The following FRMD6 variants were observed in gnomAD, a reference collection of about 807,000 sequenced individuals.
The protein encoded by FRMD6 is FERM domain containing 6.
In FRMD6, 37 loss-of-function variants were observed where a neutral mutation model predicts 73.2. The observed-to-expected ratio is 0.51, with a 90% CI of 0.39 to 0.66. The LOEUF is 0.66. Among genes scored for constraint, FRMD6 ranks in the 30% least tolerant of loss-of-function variants. The pLI, the probability that FRMD6 is intolerant of heterozygous loss-of-function variation, is 0.00. For synonymous variants in FRMD6, 273 were observed against 282.2 expected, an observed-to-expected ratio of 0.97 and a Z score of 0.33; for missense variants, 714 against 780.5, an observed-to-expected ratio of 0.91 and a Z score of 1.02.
At chr14:51,670,887 T>G in intron 1 of FRMD6, among the ~76,000 whole-genome samples, 1 of 152,228 alleles carries the variant, frequency 6.6e-6, no homozygotes, top group East Asian at 1.9e-4. Flanking sequence ...CCTCAGGTGA[T>G]CCACCTGCCT....
chr14:51,491,980 C>A (rs1274416039), intron 1 of FRMD6, among the ~76,000 whole-genome samples: 1 of 152,210 alleles, frequency 6.6e-6, no homozygotes, highest in Non-Finnish European at 1.5e-5. Flanking sequence ...TGAGGTCTGG[C>A]AGCTGACATT....
Position 51,704,792 on chromosome 14 carries a change from C to G in FRMD6, c.415C>G (p.Gln139Glu). ...RYYYYWHLRK[Q>E]VLHSQCVLRE... is the part of the protein sequence containing the mutation. The stretch of plus-strand genomic sequence containing the variant: ...CTATTATTACTGGCACCTGAGAAAA[C>G]AAGTTCTTCATTCTCAGTGTGTGCT... Residue 139 changes from glutamine (Q) to glutamate (E), a missense_variant, in exon 6 of 14, where the codon CAA (glutamine) becomes GAA (glutamate). Coordinates refer to ENST00000344768, the MANE Select transcript of FRMD6 (RefSeq NM_001267046.2). 2.5e-6 allele frequency: 4 copies of G among 1,613,124 alleles called. No homozygotes were observed. The highest frequency in any genetic ancestry group is 2.5e-6 in the Non-Finnish European group (3 of 1,179,406).
chr14:51,542,423 G>A (rs958139261), intron 1 of FRMD6, among the ~76,000 whole-genome samples: 2 of 151,976 alleles, frequency 1.3e-5, no homozygotes, highest in African/African-American at 4.8e-5. Context: ...TTATCATAAT[G>A]TTTTCAAGAT....
At chr14:51,545,129 T>C (rs1886397558) in intron 1 of FRMD6, among the ~76,000 whole-genome samples, 1 of 152,128 alleles carries the variant, frequency 6.6e-6, no homozygotes, top group African/African-American at 2.4e-5. Context: ...TGCCCAGACA[T>C]GCACTAGACA....
At chr14:51,435,469 G>A in the FRMD6 span, among the ~76,000 whole-genome samples, 1 of 151,142 alleles carries the variant, frequency 6.6e-6, no homozygotes, top group Non-Finnish European at 1.5e-5. Context: ...GAAATAACTG[G>A]TAAAGAGGAA....
At chr14:51,478,867 T>C in the FRMD6 span, among the ~76,000 whole-genome samples, 1 of 152,206 alleles carries the variant, frequency 6.6e-6, no homozygotes. Context: ...TATACTGTAA[T>C]ATTTATCTTT....
chr14:51,430,487 G>A, the FRMD6 span, among the ~76,000 whole-genome samples: 63 of 152,072 alleles, frequency 4.1e-4, 1 homozygote, highest in African/African-American at 1.4e-3. Context: ...GCAAATTGGA[G>A]TTGTTTTTTT....
intron 1 of FRMD6, among the ~76,000 whole-genome samples, chr14:51,568,845 C>T (rs1352084959): frequency 7.3e-6 from 1 of 137,412 alleles, no homozygotes; most frequent in Non-Finnish European, 1.6e-5. Flanking sequence ...AAGGCTTTTA[C>T]TTTTTTTTTT....
At chr14:51,432,529 G>A in the FRMD6 span, among the ~76,000 whole-genome samples, 1 of 152,100 alleles carries the variant, frequency 6.6e-6, no homozygotes, top group South Asian at 2.1e-4. Flanking sequence ...TGAAACATGA[G>A]GACCAATGCC....
chr14:51,637,302 C>G (rs972540601), intron 2 of FRMD6: 1 of 151,896 alleles, frequency 6.6e-6, no homozygotes, highest in African/African-American at 2.4e-5. Flanking sequence ...AAAATTCTAC[C>G]TAAGGAAAGG....
At chr14:51,500,715 C>T (rs1300241179) in intron 1 of FRMD6, among the ~76,000 whole-genome samples, 2 of 152,030 alleles carry the variant, frequency 1.3e-5, no homozygotes, top group Admixed American at 6.5e-5. Flanking sequence ...TTAAGGAACC[C>T]TGAAGGCCAT....
intron 7 of FRMD6, among the ~76,000 whole-genome samples, chr14:51,709,845 C>T (rs1196110675): frequency 6.6e-6 from 1 of 151,718 alleles, no homozygotes; most frequent in African/African-American, 2.4e-5. Context: ...AATTAGAAAC[C>T]CTATGTCACT....
At chr14:51,481,840 T>G in the FRMD6 span, among the ~76,000 whole-genome samples, 1 of 152,218 alleles carries the variant, frequency 6.6e-6, no homozygotes, top group African/African-American at 2.4e-5. Flanking sequence ...GGAGTGGCTA[T>G]TTTGCCAGTA....
chr14:51,431,623 G>A, the FRMD6 span, among the ~76,000 whole-genome samples: 5 of 152,148 alleles, frequency 3.3e-5, no homozygotes, highest in African/African-American at 1.2e-4. Flanking sequence ...CATAGATTTA[G>A]GTATACAGAA....
chr14:51,515,002 C>T (rs748585493), intron 1 of FRMD6, among the ~76,000 whole-genome samples: 87 of 152,288 alleles, frequency 5.7e-4, no homozygotes, highest in Non-Finnish European at 7.9e-4. Flanking sequence ...TTTTCACATA[C>T]ATCCCAAGTC....
chr14:51,577,436 T>C lies in FRMD6; in HGVS notation c.-147+7026T>C, dbSNP rs781502286. On this transcript the variant is annotated intron_variant, in intron 2 of 14. Coordinates refer to the FRMD6 transcript ENST00000356218. ...GCTGAATTACTAGTTCAGTTAAGAC[T>C]CAATGTATAGTGTTGTGTATCAGAT... Among the ~76,000 whole-genome samples the C allele has an allele frequency of 2.0e-5, 3 of 152,188 alleles. No individual in the cohort carries two copies. The South Asian group carries it at 6.2e-4, about 32-fold the overall frequency.
intron 1 of FRMD6, among the ~76,000 whole-genome samples, chr14:51,566,112 C>G (rs1290034882): frequency 6.6e-6 from 1 of 152,184 alleles, no homozygotes; most frequent in Admixed American, 6.5e-5. Context: ...TTGCAGTGAG[C>G]CGAGATCATG....
chr14:51,485,225 T>C (rs1882740250), upstream of FRMD6, among the ~76,000 whole-genome samples: 1 of 152,190 alleles, frequency 6.6e-6, no homozygotes, highest in South Asian at 2.1e-4. Context: ...CGGCCTTTGC[T>C]CTGCTTCACA....
intron 2 of FRMD6, chr14:51,579,127 T>C (rs1824610958): frequency 6.6e-6 from 1 of 152,104 alleles, no homozygotes; most frequent in Admixed American, 6.6e-5. Context: ...GAGGAAAACA[T>C]AAGGGAGGAG....
Sources: allele counts gnomAD v4.1 joint callset (sites outside exome capture counted in the v4.1 genomes callset), GRCh38; gene constraint gnomAD v4.1.1; transcripts MANE v1.5; gene names NCBI Gene and HGNC (gene_info 2026-07-23, HGNC 2026-07-21).